TLN2: variants seen among roughly 807,000 people sequenced by gnomAD.
The protein encoded by TLN2 is talin 2.
In TLN2, 118 loss-of-function variants were observed where a neutral mutation model predicts 294.7. That is an observed-to-expected ratio of 0.40 (90% CI 0.34 to 0.47). The LOEUF is 0.47. Among genes scored for constraint, TLN2 ranks in the 20% least tolerant of loss-of-function variants. The pLI, the probability that TLN2 is intolerant of heterozygous loss-of-function variation, is 0.84. For missense variants in TLN2, 3,083 were observed against 3,282.2 expected (o/e 0.94, Z 1.48); for synonymous variants, 1,431 against 1,304.5 (o/e 1.10, Z -2.09).
At chr15:62,432,806 G>T (rs2035080543) in intron 1 of TLN2, among the ~76,000 whole-genome samples, 1 of 152,030 alleles carries the variant, frequency 6.6e-6, no homozygotes, top group African/African-American at 2.4e-5. Context: ...GCCCTAGAAT[G>T]CATATTTATA....
At chr15:62,576,779 G>A (rs1315667334) in intron 1 of TLN2, among the ~76,000 whole-genome samples, 1 of 150,256 alleles carries the variant, frequency 6.7e-6, no homozygotes, top group Admixed American at 6.8e-5. Flanking sequence ...GCAAGTACGA[G>A]CTAAGTTACT....
chr15:62,461,759 C>A (rs191238276), intron 1 of TLN2, among the ~76,000 whole-genome samples: 1 of 152,286 alleles, frequency 6.6e-6, no homozygotes, highest in African/African-American at 2.4e-5. Context: ...TAAGAGGCGC[C>A]TACTCCATGC....
chr15:62,560,118 G>C (rs1222058950), intron 1 of TLN2, among the ~76,000 whole-genome samples: 1 of 152,226 alleles, frequency 6.6e-6, no homozygotes, highest in Non-Finnish European at 1.5e-5. Flanking sequence ...AGGTAGGGCA[G>C]GTCCCTGGGG....
At chr15:62,763,496 G>T in intron 39 of TLN2, 67 bp from the exon 40 acceptor site, 1 of 1,538,476 alleles carries the variant, frequency 6.5e-7, no homozygotes, top group Non-Finnish European at 8.8e-7. Context: ...TGGCCCACCA[G>T]TGCTGGAGCA....
chr15:62,426,655 T>C (rs1117326), intron 1 of TLN2, among the ~76,000 whole-genome samples: 141,890 of 152,254 alleles, frequency 0.93, 66,705 homozygotes, highest in East Asian at 1. Flanking sequence ...GTGCTGGGAG[T>C]GAGCTGTTCA....
intron 26 of TLN2, among the ~76,000 whole-genome samples, chr15:62,724,306 TATC>T (rs1317514813): frequency 6.6e-6 from 1 of 152,208 alleles, no homozygotes; most frequent in Non-Finnish European, 1.5e-5. Context: ...CTGTTATTAC[TATC>T]ATCTAAAAAT....
At position 62,604,624 on chromosome 15, in the gene TLN2, T is replaced by C. The variant is rs543154095; in HGVS notation, c.-161-13727T>C. Among the ~76,000 whole-genome samples the C allele has an allele frequency of 5.0e-3, 716 of 141,942 alleles. 1 individual carries two copies. Among genetic ancestry groups the C allele is most frequent in the Non-Finnish European group, 8.5e-3 (554 of 65,454 alleles). The allele number at this position is 141,942 out of a possible 152,430, so 93.1% of individuals were successfully genotyped here. A position where few individuals can be genotyped will look rare whatever the true frequency, so the allele number is the denominator to read the frequency against. The stretch of plus-strand genomic sequence containing the variant: ...GAGAGGGAGCCCAGGTTCAGGAGGG[T>C]GTTGGTGGTTGCAGTGTGTAGTTGG... On this transcript the variant is annotated intron_variant, in intron 2 of 58. Coordinates refer to ENST00000636159, the MANE Select transcript of TLN2 (RefSeq NM_015059.3).
intron 48 of TLN2, 52 bp from the exon 49 acceptor site, chr15:62,800,316 C>G: frequency 6.3e-7 from 1 of 1,592,536 alleles, no homozygotes; most frequent in Non-Finnish European, 8.5e-7. Context: ...TTGGTAAAGC[C>G]CACAGCTGAC....
At chr15:62,633,667 A>G (rs1409727842) in intron 3 of TLN2, among the ~76,000 whole-genome samples, 1 of 152,160 alleles carries the variant, frequency 6.6e-6, no homozygotes, top group Non-Finnish European at 1.5e-5. Context: ...TAACTGTACT[A>G]TTTGCTATTT....
At chr15:62,522,021 A>T (rs2040485369) in intron 1 of TLN2, among the ~76,000 whole-genome samples, 1 of 152,164 alleles carries the variant, frequency 6.6e-6, no homozygotes. Flanking sequence ...GAGCTGGTAT[A>T]AAGAGGCGTG....
At chr15:62,571,240 C>G (rs1348280762) in intron 1 of TLN2, among the ~76,000 whole-genome samples, 1 of 152,178 alleles carries the variant, frequency 6.6e-6, no homozygotes, top group Non-Finnish European at 1.5e-5. Context: ...AGCCAGGCAG[C>G]AAAGCATGAC....
rs1377393779 is a variant in TLN2, at chr15:62,738,295, A to C, written c.3649A>C (p.Ser1217Arg). ...GAAGGATGTGGACGTGGCCTTGAAG[A>C]GCATCGGGGAGTCCAGCAAGAAGCT... ...GQKDVDVALK[S>R]IGESSKKLLV... The change falls in exon 30 of 59, where the codon AGC (serine) becomes CGC (arginine). Residue 1217 changes from serine to arginine, a missense_variant. Transcript: ENST00000636159. The C allele has an allele frequency of 1.9e-6, 3 of 1,614,130 alleles. No homozygotes were observed. The Admixed American group carries it at 5.0e-5, about 27-fold the overall frequency.
At chr15:62,419,578 GA>G (rs2034272041) in intron 1 of TLN2, among the ~76,000 whole-genome samples, 1 of 148,504 alleles carries the variant, frequency 6.7e-6, no homozygotes, top group Admixed American at 6.9e-5. Flanking sequence ...AGGTTGCACT[GA>G]AGAACCTTTG....
intron 1 of TLN2, among the ~76,000 whole-genome samples, chr15:62,495,945 CAAAAA>C (rs35350561): frequency 1.6e-5 from 2 of 123,952 alleles, no homozygotes; most frequent in Admixed American, 8.1e-5. Flanking sequence ...AGTTCTAGGC[CAAAAA>C]AAAAAAAACA....
intron 1 of TLN2, among the ~76,000 whole-genome samples, chr15:62,511,063 G>A (rs911002898): frequency 2.0e-5 from 3 of 152,202 alleles, no homozygotes; most frequent in African/African-American, 7.2e-5. Context: ...CTACAGCTAA[G>A]TCGTCTTTCT....
At chr15:62,519,284 G>T (rs2040340115) in intron 1 of TLN2, among the ~76,000 whole-genome samples, 1 of 152,170 alleles carries the variant, frequency 6.6e-6, no homozygotes, top group South Asian at 2.1e-4. Context: ...TTGGGTGGGG[G>T]TAGTTAAGTA....
chr15:62,587,471 A>G (rs1380772606), intron 1 of TLN2, among the ~76,000 whole-genome samples: 2 of 152,256 alleles, frequency 1.3e-5, no homozygotes, highest in East Asian at 1.9e-4. Flanking sequence ...CATACTGCAT[A>G]TGGTCATTTA....
intron 1 of TLN2, among the ~76,000 whole-genome samples, chr15:62,473,039 T>A (rs972789238): frequency 6.6e-6 from 1 of 152,122 alleles, no homozygotes; most frequent in African/African-American, 2.4e-5. Context: ...GCCTGCAGGG[T>A]GTGTAAGAGG....
At chr15:62,471,922 C>T (rs555718953) in intron 1 of TLN2, among the ~76,000 whole-genome samples, 5 of 152,312 alleles carry the variant, frequency 3.3e-5, no homozygotes, top group East Asian at 1.9e-4. Flanking sequence ...TTCTTTCTTG[C>T]GCCTTTCTGC....
Sources: gnomAD v4.1 joint callset for allele counts (sites outside exome capture counted in the v4.1 genomes callset) on GRCh38, gnomAD v4.1.1 for gene constraint, MANE v1.5 for transcripts, NCBI Gene and HGNC (gene_info 2026-07-23, HGNC 2026-07-21) for gene names.